Variants in PRKX observed in about 807,000 individuals in gnomAD.
PRKX encodes the protein cAMP-dependent protein kinase catalytic subunit PRKX.
PRKX carries 12 observed loss-of-function variants against 22.0 expected under a neutral mutation model. The observed-to-expected ratio is 0.54, with a 90% CI of 0.35 to 0.88. The LOEUF (loss-of-function observed/expected upper bound fraction) is 0.88. Ranked by LOEUF, PRKX falls within the 40% of genes least tolerant of loss-of-function variation. The pLI is 0.01. For synonymous variants in PRKX, 134 were observed against 137.7 expected, an observed-to-expected ratio of 0.97 and a Z score of 0.19; for missense variants, 217 against 308.0, an observed-to-expected ratio of 0.70 and a Z score of 2.21.
intron 1 of PRKX, among the ~76,000 whole-genome samples, chrX:3,703,472 G>A: frequency 9.1e-6 from 1 of 110,349 alleles, no homozygotes; most frequent in Non-Finnish European, 1.9e-5. Context: ...TAGACCACAG[G>A]AAGGTGGAAG....
chrX:3,698,722 G>A (rs1928495237), intron 1 of PRKX, among the ~76,000 whole-genome samples: 1 of 109,649 alleles, frequency 9.1e-6, no homozygotes, highest in Non-Finnish European at 1.9e-5. Flanking sequence ...CCGAGTAGCT[G>A]GGATTACAGA....
intron 2 of PRKX, among the ~76,000 whole-genome samples, chrX:3,668,602 C>T (rs7050620): frequency 0.012 from 1,318 of 111,958 alleles, 18 homozygotes; most frequent in African/African-American, 0.04. Flanking sequence ...CATGGAGAAA[C>T]GAGCGGTCAT....
chrX:3,694,425 T>A (rs1004795138), intron 1 of PRKX, among the ~76,000 whole-genome samples: 2 of 109,959 alleles, frequency 1.8e-5, no homozygotes, highest in African/African-American at 3.3e-5. Flanking sequence ...ATAAATTATT[T>A]AAAAAAATAA....
chrX:3,671,237 T>C (rs1052849001), intron 2 of PRKX, among the ~76,000 whole-genome samples: 3 of 110,363 alleles, frequency 2.7e-5, no homozygotes, highest in Non-Finnish European at 5.7e-5. Context: ...GGTTTCCCCA[T>C]ATTGGCCAGG....
At chrX:3,692,541 T>C (rs990102386) in intron 1 of PRKX, among the ~76,000 whole-genome samples, 9 of 107,243 alleles carry the variant, frequency 8.4e-5, no homozygotes, top group African/African-American at 3.1e-4. Flanking sequence ...TTTTTTTTTT[T>C]TTTTGAGACG....
Position 3,655,176 on chromosome X carries a change from A to G in PRKX, c.572T>C (p.Phe191Ser). 8.3e-7 allele frequency: 1 copy of G among 1,211,545 alleles called. No homozygotes were observed. Among genetic ancestry groups the G allele is most frequent in the Non-Finnish European group, 1.1e-6 (1 of 895,467 alleles). The change falls in exon 3 of 9, where the codon TTT (phenylalanine) becomes TCT (serine). Residue 191 changes from phenylalanine to serine, a missense_variant. Transcript: ENST00000262848. ...DRDGHIKLTD[F>S]GFAKKLVDRT... The stretch of plus-strand genomic sequence containing the variant: ...GTCTACCAGCTTCTTGGCGAACCCA[A>G]AGTCCGTGAGCTTAATGTGGCCATC...
At chrX:3,693,237 G>T (rs1297087506) in intron 1 of PRKX, among the ~76,000 whole-genome samples, 2 of 111,758 alleles carry the variant, frequency 1.8e-5, no homozygotes, top group East Asian at 5.6e-4. Flanking sequence ...CATATCCATA[G>T]GAGAACATTG....
chrX:3,646,826 C>T (rs1285545731), intron 3 of PRKX, among the ~76,000 whole-genome samples: 1 of 110,758 alleles, frequency 9.0e-6, no homozygotes, highest in Admixed American at 9.7e-5. Context: ...CGATGGCCAG[C>T]CCAGGCCCTG....
chrX:3,695,474 G>A (rs767508601), intron 1 of PRKX, among the ~76,000 whole-genome samples: 4 of 111,294 alleles, frequency 3.6e-5, no homozygotes, highest in African/African-American at 6.5e-5. Flanking sequence ...GTGCAGTGGC[G>A]CAATCTTAGC....
chrX:3,710,883 G>A (rs765209096), intron 1 of PRKX, among the ~76,000 whole-genome samples: 2 of 111,363 alleles, frequency 1.8e-5, no homozygotes, highest in African/African-American at 6.5e-5. Flanking sequence ...CACCCACCCA[G>A]ACTGGGTTTC....
rs1291442547 is a variant in PRKX, at chrX:3,608,443, G to A, written c.*526C>T. ...AATGCATGCAACATACCCTTCAGAT[G>A]TTGTCCCCGAGAAGAGATTTTTGAA... is the stretch of plus-strand genomic sequence containing the variant. On this transcript the variant is annotated 3_prime_UTR_variant, in exon 9 of 9. Coordinates refer to ENST00000262848, the MANE Select transcript of PRKX (RefSeq NM_005044.5). The A allele has an allele frequency of 9.1e-6, 1 of 109,509 alleles. No homozygotes were observed. The highest frequency in any genetic ancestry group is 3.3e-5 in the African/African-American group (1 of 30,086). 9.0% of individuals were successfully genotyped at this position (109,509 alleles called of 1,213,427 possible).
intron 8 of PRKX, among the ~76,000 whole-genome samples, chrX:3,610,621 C>T (rs760065578): frequency 4.5e-5 from 5 of 110,847 alleles, no homozygotes; most frequent in South Asian, 7.8e-4. Flanking sequence ...GTTATTCCTA[C>T]GTGTGGAATC....
chrX:3,626,209 G>A (rs763934880), intron 5 of PRKX, among the ~76,000 whole-genome samples: 3 of 111,965 alleles, frequency 2.7e-5, no homozygotes, highest in South Asian at 7.4e-4. Context: ...AACACAATAC[G>A]GCCAAGACTC....
chrX:3,634,270 TTAA>T lies in PRKX; in HGVS notation c.719+7579_719+7581del, dbSNP rs754246065. On this transcript the variant is annotated intron_variant, in intron 4 of 8. Coordinates refer to ENST00000262848, the MANE Select transcript of PRKX (RefSeq NM_005044.5). ...CTCTAAAGAAAAAAAATAATAATAA[TTAA>T]TAAATAAATATAAAATCTGTGCTCC... Among the ~76,000 whole-genome samples, 10 of 107,918 alleles carry T rather than the reference TTAA, an allele frequency of 9.3e-5. No individual in the cohort carries two copies. In the East Asian group the frequency reaches 1.5e-3, roughly 16 times the overall value. 93.7% of individuals were successfully genotyped at this position (107,918 alleles called of 115,157 possible).
chrX:3,634,362 G>A (rs1476289711), intron 4 of PRKX, among the ~76,000 whole-genome samples: 1 of 110,834 alleles, frequency 9.0e-6, no homozygotes, highest in Middle Eastern at 4.6e-3. Context: ...CAGTTAAAGC[G>A]GAAGGAGCAG....
At chrX:3,643,783 T>C (rs1245621600) in intron 3 of PRKX, among the ~76,000 whole-genome samples, 1 of 111,448 alleles carries the variant, frequency 9.0e-6, no homozygotes, top group Non-Finnish European at 1.9e-5. Flanking sequence ...TCTGGTAATA[T>C]ACATGTTTAT....
chrX:3,699,151 C>G (rs1208637562), intron 1 of PRKX, among the ~76,000 whole-genome samples: 1 of 106,669 alleles, frequency 9.4e-6, no homozygotes, highest in African/African-American at 3.4e-5. Context: ...ATTCTCCTGC[C>G]TCAGCTTCCC....
intron 1 of PRKX, among the ~76,000 whole-genome samples, chrX:3,676,474 G>A (rs368165798): frequency 1.5e-4 from 17 of 111,668 alleles, no homozygotes; most frequent in Non-Finnish European, 2.8e-4. Flanking sequence ...CAGCCAAGGC[G>A]TGGAAACAAC....
chrX:3,650,330 G>A (rs762734490), intron 3 of PRKX, among the ~76,000 whole-genome samples: 84 of 102,791 alleles, frequency 8.2e-4, no homozygotes, highest in Non-Finnish European at 1.4e-3. Context: ...GACCATCCTG[G>A]CTAACACAGT....
Sources: gnomAD v4.1 joint callset for allele counts (sites outside exome capture counted in the v4.1 genomes callset) on GRCh38, gnomAD v4.1.1 for gene constraint, MANE v1.5 for transcripts, NCBI Gene and HGNC (gene_info 2026-07-23, HGNC 2026-07-21) for gene names.